DLC1: variants seen among roughly 807,000 people sequenced by gnomAD.
DLC1 encodes DLC1 Rho GTPase activating protein, also known as rho GTPase-activating protein 7.
In DLC1, 54 loss-of-function variants were observed where a neutral mutation model predicts 140.3. The ratio of observed to expected loss-of-function variants is 0.38; its 90% CI spans 0.31 to 0.48. The LOEUF is 0.48. DLC1 is among the 20% of genes least tolerant of loss of function. The pLI is 0.96. For missense variants in DLC1, 2,536 were observed against 1,907.0 expected (o/e 1.33, Z -6.14); for synonymous variants, 986 against 728.1 (o/e 1.35, Z -5.70).
chr8:13,336,505 T>C (rs965739413), intron 4 of DLC1, among the ~76,000 whole-genome samples: 1 of 152,226 alleles, frequency 6.6e-6, no homozygotes, highest in African/African-American at 2.4e-5. Flanking sequence ...TTGTAGCTAC[T>C]GAGACTAAAC....
intron 5 of DLC1, among the ~76,000 whole-genome samples, chr8:13,227,561 G>A (rs1490033867): frequency 6.6e-6 from 1 of 152,078 alleles, no homozygotes. Context: ...ATTGATGTAG[G>A]GTCTATGGTC....
intron 2 of DLC1, among the ~76,000 whole-genome samples, chr8:13,438,961 C>T (rs1337222954): frequency 5.9e-5 from 9 of 152,258 alleles, no homozygotes; most frequent in Admixed American, 1.3e-4. Flanking sequence ...TCTGCTGTTA[C>T]GGTGCAAAAA....
chr8:13,118,905 C>T (rs1471781015), intron 5 of DLC1, among the ~76,000 whole-genome samples: 4 of 152,146 alleles, frequency 2.6e-5, no homozygotes, highest in Non-Finnish European at 4.4e-5. Context: ...CTCTCTCCTT[C>T]ACAAACTTCG....
intron 4 of DLC1, among the ~76,000 whole-genome samples, chr8:13,373,283 C>T (rs1835810586): frequency 6.6e-6 from 1 of 152,216 alleles, no homozygotes; most frequent in African/African-American, 2.4e-5. Flanking sequence ...ATTTTGAATA[C>T]AAAAGTGTGC....
intron 4 of DLC1, among the ~76,000 whole-genome samples, chr8:13,325,010 C>A (rs1219978840): frequency 6.6e-6 from 1 of 152,138 alleles, no homozygotes; most frequent in Non-Finnish European, 1.5e-5. Flanking sequence ...AAATACGTCC[C>A]AAGTTTCTTA....
chr8:13,089,999 C>A (rs1817907620), intron 15 of DLC1, among the ~76,000 whole-genome samples: 1 of 152,240 alleles, frequency 6.6e-6, no homozygotes, highest in Non-Finnish European at 1.5e-5. Flanking sequence ...TAGTGTGATT[C>A]TGTAGAGCCA....
At chr8:13,538,891 CTT>C (rs1563427943) in intron 1 of DLC1, among the ~76,000 whole-genome samples, 1 of 152,150 alleles carries the variant, frequency 6.6e-6, no homozygotes, top group African/African-American at 2.4e-5. Context: ...TCGTAAATAT[CTT>C]TTTCCTTTTC....
chr8:13,408,127 A>G (rs1837643311), intron 2 of DLC1, among the ~76,000 whole-genome samples: 3 of 152,184 alleles, frequency 2.0e-5, no homozygotes, highest in Non-Finnish European at 4.4e-5. Context: ...TTTCAATTTG[A>G]AACTTATGTA....
chr8:13,407,474 G>C (rs1316231229), intron 2 of DLC1, among the ~76,000 whole-genome samples: 3 of 152,134 alleles, frequency 2.0e-5, no homozygotes, highest in African/African-American at 4.8e-5. Flanking sequence ...TTGCAGACTG[G>C]AGAAATATAA....
intron 2 of DLC1, among the ~76,000 whole-genome samples, chr8:13,424,468 G>A (rs936785675): frequency 3.3e-5 from 5 of 152,048 alleles, no homozygotes; most frequent in African/African-American, 7.2e-5. Flanking sequence ...CAGCCTGGGC[G>A]ACAGAGAGAG....
chr8:13,163,490 T>C (rs1320059353), intron 5 of DLC1, among the ~76,000 whole-genome samples: 1 of 152,130 alleles, frequency 6.6e-6, no homozygotes, highest in African/African-American at 2.4e-5. Flanking sequence ...AGGATGAATT[T>C]AGGCAGCTCA....
At chr8:13,262,588 C>T (rs1830508840) in intron 5 of DLC1, among the ~76,000 whole-genome samples, 1 of 152,026 alleles carries the variant, frequency 6.6e-6, no homozygotes, top group African/African-American at 2.4e-5. Context: ...GAGATGAGGC[C>T]TTGTCCTGGC....
intron 2 of DLC1, among the ~76,000 whole-genome samples, chr8:13,449,598 C>G (rs551455217): frequency 9.3e-5 from 14 of 149,866 alleles, no homozygotes; most frequent in Admixed American, 2.7e-4. Context: ...CATGTTCTCA[C>G]TCATAGGTGG....
At chr8:13,332,596 A>G (rs1178060975) in intron 4 of DLC1, among the ~76,000 whole-genome samples, 3 of 130,114 alleles carry the variant, frequency 2.3e-5, no homozygotes, top group Non-Finnish European at 4.9e-5. Context: ...ACGCCCCGCT[A>G]ATTTTTGTAT....
chr8:13,110,840 C>A lies in DLC1; in HGVS notation c.1421-17G>T. 6.2e-7 allele frequency: 1 copy of A among 1,612,990 alleles called. No homozygotes were observed. The highest frequency in any genetic ancestry group is 8.5e-7 in the Non-Finnish European group (1 of 1,179,326). ...ACAGGAAATCTATGAGAAAAATAAACAGATGTATTTGTTGAGCGCCTAAAA... is the reference window on the plus strand; with the variant it reads ...ACAGGAAATCTATGAGAAAAATAAAAAGATGTATTTGTTGAGCGCCTAAAA... On this transcript the variant is annotated splice_polypyrimidine_tract_variant and intron_variant, in intron 6 of 17. Transcript: ENST00000276297.
intron 5 of DLC1, among the ~76,000 whole-genome samples, chr8:13,144,404 C>T (rs9643935): frequency 6.6e-6 from 1 of 151,842 alleles, no homozygotes; most frequent in Non-Finnish European, 1.5e-5. Context: ...CCTTGGTTCT[C>T]CACCTTGCGG....
At chr8:13,392,514 C>T (rs975785793) in intron 4 of DLC1, among the ~76,000 whole-genome samples, 1 of 152,022 alleles carries the variant, frequency 6.6e-6, no homozygotes, top group Non-Finnish European at 1.5e-5. Flanking sequence ...TCTTTTGAGT[C>T]CTATTTTAGA....
At position 13,499,089 on chromosome 8, in the gene DLC1, TGGGTGGCCA is replaced by T. The variant is rs772737562; in HGVS notation, c.974_982del (p.Leu325_Thr327del). 4.2e-5 allele frequency: 67 copies of T among 1,613,748 alleles called. No individual in the cohort carries two copies. In the Admixed American group the frequency reaches 1.1e-3, roughly 26 times the overall value. ...TCTGACTTGGTTATCTGTGGGTTCC[TGGGTGGCCA>T]GGGTCTCCTTTAATTGTAAACACTG... On this transcript the variant is annotated inframe_deletion, in exon 2 of 18. Transcript: ENST00000276297.
At chr8:13,291,858 A>T (rs1831768801) in intron 5 of DLC1, among the ~76,000 whole-genome samples, 1 of 152,230 alleles carries the variant, frequency 6.6e-6, no homozygotes, top group Admixed American at 6.5e-5. Context: ...AGACAGAGCA[A>T]GAGGCTGAAA....
Sources: gnomAD v4.1 joint callset for allele counts (sites outside exome capture counted in the v4.1 genomes callset) on GRCh38, gnomAD v4.1.1 for gene constraint, MANE v1.5 for transcripts, NCBI Gene and HGNC (gene_info 2026-07-23, HGNC 2026-07-21) for gene names.